The following GRIP1 variants were observed in gnomAD, a reference collection of about 807,000 sequenced individuals.
GRIP1 encodes the protein glutamate receptor-interacting protein 1.
GRIP1 carries 45 observed loss-of-function variants against 129.9 expected under a neutral mutation model. The observed-to-expected ratio is 0.35, with a 90% confidence interval of 0.27 to 0.44. The LOEUF is 0.44. GRIP1 is among the 20% of genes least tolerant of loss of function. The pLI is 1.00. For synonymous variants in GRIP1, 530 were observed against 520.8 expected, an observed-to-expected ratio of 1.02 and a Z score of -0.24; for missense variants, 1,196 against 1,396.8, an observed-to-expected ratio of 0.86 and a Z score of 2.29.
intron 7 of GRIP1, among the ~76,000 whole-genome samples, chr12:66,510,144 A>G (rs1479461180): frequency 6.6e-6 from 1 of 152,170 alleles, no homozygotes. Context: ...AGCACCACAT[A>G]TGCATTAACC....
intron 1 of GRIP1, among the ~76,000 whole-genome samples, chr12:66,979,222 T>TAAAAAAAAAAAAAAAAAAAAAA (rs35306665): frequency 1.7e-4 from 7 of 41,458 alleles, no homozygotes; most frequent in African/African-American, 5.3e-4. Flanking sequence ...CTTCTCTTCT[T>TAAAAAAAAAAAAAAAAAAAAAA]AAAAAAAAAA....
At chr12:67,011,479 C>A (rs750609178) in intron 1 of GRIP1, among the ~76,000 whole-genome samples, 4 of 152,332 alleles carry the variant, frequency 2.6e-5, no homozygotes, top group Middle Eastern at 3.4e-3. Context: ...AAACCACTCA[C>A]CTTCACTCCT....
chr12:66,460,163 T>C (rs1263829853), intron 9 of GRIP1, among the ~76,000 whole-genome samples: 1 of 152,168 alleles, frequency 6.6e-6, no homozygotes, highest in Non-Finnish European at 1.5e-5. Context: ...GGACACGTGA[T>C]CCTAAAGTCC....
chr12:67,022,884 T>C (rs2042888766), intron 1 of GRIP1, among the ~76,000 whole-genome samples: 1 of 152,168 alleles, frequency 6.6e-6, no homozygotes, highest in Non-Finnish European at 1.5e-5. Context: ...TAGTAGTTTA[T>C]AGTGTCTGTT....
chr12:66,425,983 TA>T (rs926785791), intron 14 of GRIP1, among the ~76,000 whole-genome samples: 12 of 152,096 alleles, frequency 7.9e-5, no homozygotes, highest in Non-Finnish European at 1.5e-4. Flanking sequence ...AATAATAAAA[TA>T]AAAAAAGAAA....
At chr12:66,553,007 G>A (rs996324946) in intron 2 of GRIP1, among the ~76,000 whole-genome samples, 2 of 152,156 alleles carry the variant, frequency 1.3e-5, no homozygotes, top group African/African-American at 2.4e-5. Flanking sequence ...CTATATCAAG[G>A]ACAGCTCTCA....
chr12:66,690,436 T>C (rs1248923600), intron 1 of GRIP1, among the ~76,000 whole-genome samples: 2 of 151,870 alleles, frequency 1.3e-5, no homozygotes, highest in Non-Finnish European at 2.9e-5. Flanking sequence ...CATTTCTTGA[T>C]GGACACTTAG....
At chr12:66,858,724 C>T (rs1314040749) in intron 1 of GRIP1, among the ~76,000 whole-genome samples, 1 of 151,854 alleles carries the variant, frequency 6.6e-6, no homozygotes, top group Non-Finnish European at 1.5e-5. Context: ...AGAAAATCCT[C>T]TACTCCAAGG....
chr12:66,523,054 T>C (rs1420112153), intron 5 of GRIP1, among the ~76,000 whole-genome samples: 2 of 152,024 alleles, frequency 1.3e-5, no homozygotes, highest in Admixed American at 6.6e-5. Flanking sequence ...TACGTCTGAC[T>C]GGTGTACCTG....
chr12:66,804,901 A>C (rs544527490), upstream of GRIP1, among the ~76,000 whole-genome samples: 44 of 152,320 alleles, frequency 2.9e-4, no homozygotes, highest in Non-Finnish European at 5.3e-4. Context: ...AGTATGTGTT[A>C]ATTGGAGCAG....
chr12:66,669,753 C>T (rs1263058688), intron 1 of GRIP1, among the ~76,000 whole-genome samples: 1 of 152,134 alleles, frequency 6.6e-6, no homozygotes, highest in African/African-American at 2.4e-5. Flanking sequence ...TTCAGTCTAC[C>T]AACTTGATGT....
At chr12:66,512,286 A>T (rs2138890761) in intron 7 of GRIP1, among the ~76,000 whole-genome samples, 1 of 152,310 alleles carries the variant, frequency 6.6e-6, no homozygotes, top group South Asian at 2.1e-4. Flanking sequence ...GAACTCGATA[A>T]CAGGCAGAGG....
chr12:66,552,229 A>T (rs1220098157), intron 2 of GRIP1, among the ~76,000 whole-genome samples: 1 of 152,228 alleles, frequency 6.6e-6, no homozygotes, highest in African/African-American at 2.4e-5. Context: ...TTCAACAAGA[A>T]ATCAGACTTC....
At chr12:66,770,218 G>A (rs887622852) in intron 1 of GRIP1, among the ~76,000 whole-genome samples, 5 of 152,120 alleles carry the variant, frequency 3.3e-5, no homozygotes, top group Non-Finnish European at 5.9e-5. Context: ...AGCAAATGCT[G>A]AATAAAGAAT....
At chr12:67,032,185 GA>G (rs2043032469) in intron 1 of GRIP1, among the ~76,000 whole-genome samples, 1 of 152,142 alleles carries the variant, frequency 6.6e-6, no homozygotes, top group African/African-American at 2.4e-5. Context: ...CAGGCTTTTT[GA>G]AGACAGGAAA....
chr12:66,777,259 A>T (rs1383108), intron 1 of GRIP1, among the ~76,000 whole-genome samples: 1 of 151,826 alleles, frequency 6.6e-6, no homozygotes, highest in African/African-American at 2.4e-5. Context: ...CACTCCAGCC[A>T]CACTGGCCTT....
chr12:66,408,210 G>A (rs1317624125), intron 15 of GRIP1, among the ~76,000 whole-genome samples: 1 of 152,180 alleles, frequency 6.6e-6, no homozygotes, highest in Non-Finnish European at 1.5e-5. Flanking sequence ...TGGGCGCGGT[G>A]GCTCATGCCT....
chr12:66,414,195 G>A (rs150848164), intron 15 of GRIP1, among the ~76,000 whole-genome samples: 16 of 152,014 alleles, frequency 1.1e-4, no homozygotes, highest in African/African-American at 3.1e-4. Context: ...CTAGAAAACC[G>A]CATCATCTCA....
chr12:66,525,497 C>G (rs2061197315), intron 5 of GRIP1, among the ~76,000 whole-genome samples: 1 of 151,646 alleles, frequency 6.6e-6, no homozygotes, highest in East Asian at 1.9e-4. Flanking sequence ...ATGCTAAAAA[C>G]TCTCAATAAA....
Sources: allele counts gnomAD v4.1 joint callset (sites outside exome capture counted in the v4.1 genomes callset), GRCh38; gene constraint gnomAD v4.1.1; transcripts MANE v1.5; gene names NCBI Gene and HGNC (gene_info 2026-07-23, HGNC 2026-07-21).